The following TLE1 variants were observed in gnomAD, a reference collection of about 807,000 sequenced individuals.
TLE1 encodes the protein TLE family member 1, transcriptional corepressor.
TLE1 carries 21 observed loss-of-function variants against 89.8 expected under a neutral mutation model. The ratio of observed to expected loss-of-function variants is 0.23; its 90% CI spans 0.17 to 0.34. The LOEUF (loss-of-function observed/expected upper bound fraction) is 0.34. Ranked by LOEUF, TLE1 falls within the 10% of genes least tolerant of loss-of-function variation. The probability of loss-of-function intolerance (pLI) is 1.00; values close to 1 mark genes in which losing one functional copy is unlikely to be tolerated. For missense variants in TLE1, 795 were observed against 1,031.2 expected (o/e 0.77, Z 3.14); for synonymous variants, 447 against 407.6 (o/e 1.10, Z -1.16).
At chr9:81,679,649 C>T (rs1346735410) in intron 4 of TLE1, among the ~76,000 whole-genome samples, 2 of 152,030 alleles carry the variant, frequency 1.3e-5, no homozygotes, top group Non-Finnish European at 2.9e-5. Context: ...AATAAGCCCA[C>T]CGACAGAAAC....
chr9:81,655,482 G>C (rs1179698851), intron 4 of TLE1, among the ~76,000 whole-genome samples: 1 of 152,080 alleles, frequency 6.6e-6, no homozygotes, highest in Non-Finnish European at 1.5e-5. Context: ...TCTACTTCTA[G>C]CCCAGGGAAG....
Position 81,585,568 on chromosome 9 carries a change from G to C in TLE1, c.2065C>G (p.Pro689Ala). Residue 689 changes from proline (P) to alanine (A), a missense_variant, in exon 18 of 20, where the codon CCT (proline) becomes GCT (alanine). Physicochemically the swap from Pro to Ala is conservative, Grantham distance 27. Transcript: ENST00000376499. ...SNVEVLHVNK[P>A]DKYQLHLHES... ...TGCAGGTGCAGCTGGTACTTGTCAG[G>C]CTTGTTCACGTGCAGCACCTCCACA... 6.2e-7 allele frequency: 1 copy of C among 1,614,170 alleles called. No individual in the cohort carries two copies. Among genetic ancestry groups the C allele is most frequent in the Non-Finnish European group, 8.5e-7 (1 of 1,180,040 alleles).
At chr9:81,655,136 C>A (rs1830009085) in intron 4 of TLE1, among the ~76,000 whole-genome samples, 2 of 152,080 alleles carry the variant, frequency 1.3e-5, no homozygotes, top group South Asian at 4.1e-4. Context: ...GAGGCCAAGG[C>A]ATGTGGATTA....
chr9:81,658,074 C>G (rs1248064844), intron 4 of TLE1, among the ~76,000 whole-genome samples: 1 of 151,578 alleles, frequency 6.6e-6, no homozygotes, highest in Non-Finnish European at 1.5e-5. Flanking sequence ...CCATGCCCGG[C>G]TAATTTTTTG....
chr9:81,631,339 A>C (rs1263749219), intron 8 of TLE1, among the ~76,000 whole-genome samples: 5 of 152,228 alleles, frequency 3.3e-5, no homozygotes, highest in African/African-American at 1.2e-4. Context: ...AAAGACACAG[A>C]GGTATAAAAT....
intron 6 of TLE1, among the ~76,000 whole-genome samples, chr9:81,649,968 T>G (rs2627008): frequency 0.21 from 32,490 of 152,066 alleles, 3,997 homozygotes; most frequent in East Asian, 0.47. Context: ...CGGACATAAA[T>G]TCATATACTA....
At chr9:81,584,980 A>ATCCG (rs1173709969) in intron 18 of TLE1, among the ~76,000 whole-genome samples, 2 of 151,798 alleles carry the variant, frequency 1.3e-5, no homozygotes, top group African/African-American at 4.8e-5. Flanking sequence ...CCATCCATCC[A>ATCCG]TCCATCCATC....
At chr9:81,667,502 T>C (rs1478305516) in intron 4 of TLE1, among the ~76,000 whole-genome samples, 1 of 152,052 alleles carries the variant, frequency 6.6e-6, no homozygotes, top group Non-Finnish European at 1.5e-5. Context: ...ACATGGGCCA[T>C]GCTACAGCTG....
At chr9:81,685,624 A>G in intron 4 of TLE1, 52 bp downstream of exon 4, 3 of 1,583,678 alleles carry the variant, frequency 1.9e-6, no homozygotes, top group East Asian at 4.5e-5. Context: ...CAGTATTATT[A>G]AATCATATGA....
intron 8 of TLE1, among the ~76,000 whole-genome samples, chr9:81,625,881 C>CAT: frequency 8.4e-6 from 1 of 118,582 alleles, no homozygotes; most frequent in East Asian, 2.8e-4. Flanking sequence ...CATCTACTAA[C>CAT]ATGTTCTGGA....
intron 8 of TLE1, among the ~76,000 whole-genome samples, chr9:81,630,236 A>G (rs536641770): frequency 7.2e-4 from 109 of 152,260 alleles, no homozygotes; most frequent in African/African-American, 2.6e-3. Context: ...TCGCAAATCT[A>G]TGAGGGCAGA....
At chr9:81,613,321 A>C (rs1563969213) in intron 12 of TLE1, 56 bp downstream of exon 12, 4 of 1,593,576 alleles carry the variant, frequency 2.5e-6, no homozygotes, top group Non-Finnish European at 2.6e-6. Context: ...ACAGACAACA[A>C]ATCAAGCTGG....
At chr9:81,614,952 TG>T (rs1456315003) in intron 11 of TLE1, among the ~76,000 whole-genome samples, 1 of 151,358 alleles carries the variant, frequency 6.6e-6, no homozygotes, top group Non-Finnish European at 1.5e-5. Context: ...CCCAGCACTT[TG>T]GGAGGCCAAG....
In TLE1 at chr9:81,681,480, G is replaced by A. The variant is rs529583447; in HGVS notation, c.234+4196C>T. Among the ~76,000 whole-genome samples the A allele has an allele frequency of 1.8e-3, 278 of 151,930 alleles. 3 individuals carry two copies. Among genetic ancestry groups the A allele is most frequent in the African/African-American group, 3.9e-3 (163 of 41,408 alleles). ...CAGGAGAATCGCTTGAACCTGGGAG[G>A]CGGAGGTTGCAGTGAGCCGAGACTG... is the stretch of plus-strand genomic sequence containing the variant. On this transcript the variant is annotated intron_variant, in intron 4 of 19. Coordinates refer to ENST00000376499, the MANE Select transcript of TLE1 (RefSeq NM_005077.5).
At chr9:81,605,730 C>T (rs1831560992) in intron 14 of TLE1, among the ~76,000 whole-genome samples, 1 of 151,782 alleles carries the variant, frequency 6.6e-6, no homozygotes, top group Non-Finnish European at 1.5e-5. Context: ...ATGACTAAAA[C>T]ACCAAAAGCA....
chr9:81,649,129 A>T (rs1829230736), intron 6 of TLE1, among the ~76,000 whole-genome samples: 2 of 152,204 alleles, frequency 1.3e-5, no homozygotes, highest in Non-Finnish European at 2.9e-5. Flanking sequence ...GGTCTACAAA[A>T]ATATTTCAAT....
chr9:81,626,170 C>T (rs180676614), intron 8 of TLE1, among the ~76,000 whole-genome samples: 307 of 152,288 alleles, frequency 2.0e-3, no homozygotes, highest in African/African-American at 6.9e-3. Flanking sequence ...TGCTGATTCC[C>T]CTTGGGAACT....
intron 8 of TLE1, among the ~76,000 whole-genome samples, chr9:81,630,389 A>C (rs1240689830): frequency 1.3e-5 from 2 of 152,128 alleles, no homozygotes; most frequent in Non-Finnish European, 2.9e-5. Context: ...TTCCCACTAT[A>C]ATTTTTTTTG....
chr9:81,669,536 C>G (rs1278062019), intron 4 of TLE1, among the ~76,000 whole-genome samples: 4 of 152,180 alleles, frequency 2.6e-5, no homozygotes, highest in Non-Finnish European at 5.9e-5. Context: ...TACAGAGAAT[C>G]ATCTGCAGTG....
Sources: allele counts gnomAD v4.1 joint callset (sites outside exome capture counted in the v4.1 genomes callset), GRCh38; gene constraint gnomAD v4.1.1; transcripts MANE v1.5; gene names NCBI Gene and HGNC (gene_info 2026-07-23, HGNC 2026-07-21).